Variants in COPS5 observed in about 807,000 individuals in gnomAD.
The protein encoded by COPS5 is COP9 signalosome subunit 5, also known as COP9 signalosome complex subunit 5.
In COPS5, 8 loss-of-function variants were observed where a neutral mutation model predicts 44.4. The observed-to-expected ratio is 0.18, with a 90% CI of 0.11 to 0.32. The LOEUF is 0.32. Ranked by LOEUF, COPS5 falls within the 10% of genes least tolerant of loss-of-function variation. COPS5 has a pLI of 1.00. For missense variants in COPS5, 159 were observed against 406.4 expected (o/e 0.39, Z 5.23); for synonymous variants, 122 against 142.8 (o/e 0.85, Z 1.04).
chr8:67,054,730 G>C (rs1804478168), intron 5 of COPS5, among the ~76,000 whole-genome samples: 1 of 152,210 alleles, frequency 6.6e-6, no homozygotes. Context: ...AGTATTCTTT[G>C]AAGTTGGCAT....
Position 67,056,686 on chromosome 8 carries a change from TATATATATATATATATATATATATAA to T in COPS5, c.574-108_574-83del, listed in dbSNP as rs1804517066. The T allele has an allele frequency of 8.4e-5, 8 of 95,552 alleles. 2 individuals are homozygous for T. Among genetic ancestry groups the T allele is most frequent in the African/African-American group, 5.2e-4 (8 of 15,418 alleles). 5.9% of individuals were successfully genotyped at this position (95,552 alleles called of 1,614,324 possible). ...ATATATATATATATATATATATATATATATATATATATATATATATATATAAAAATGAGAAAAACATGTTTTCTATG... is the reference window on the plus strand; with the variant it reads ...ATATATATATATATATATATATATATAAATGAGAAAAACATGTTTTCTATG... On this transcript the variant is annotated intron_variant, in intron 4 of 7. Coordinates refer to ENST00000357849, the MANE Select transcript of COPS5 (RefSeq NM_006837.3).
chr8:67,052,344 A>G (rs1804428993), intron 5 of COPS5, among the ~76,000 whole-genome samples: 1 of 151,870 alleles, frequency 6.6e-6, no homozygotes, highest in African/African-American at 2.4e-5. Context: ...TTAGCAAGAG[A>G]AGAATTATGT....
chr8:67,058,267 T>C, intron 2 of COPS5, 56 bp from the exon 3 acceptor site: 1 of 1,566,826 alleles, frequency 6.4e-7, no homozygotes, highest in South Asian at 1.1e-5. Flanking sequence ...ATTTACAAGG[T>C]ACCAGTACAA....
At chr8:67,061,433 A>G (rs1401358156) in intron 1 of COPS5, 1 of 447,288 alleles carries the variant, frequency 2.2e-6, no homozygotes, top group Admixed American at 2.5e-5. Flanking sequence ...CTATTAAAAA[A>G]AAAAGAAAAG....
chr8:67,059,484 T>C (rs1379043563), intron 1 of COPS5, 39 bp from the exon 2 acceptor site: 1 of 1,477,968 alleles, frequency 6.8e-7, no homozygotes, highest in African/African-American at 1.4e-5. Context: ...ATTCCTTATA[T>C]AAAGTAAAAT....
chr8:67,062,016 T>G lies in COPS5; in HGVS notation c.-20A>C, dbSNP rs115246389. On this transcript the variant is annotated 5_prime_UTR_variant, in exon 1 of 8. Coordinates refer to ENST00000357849, the MANE Select transcript of COPS5 (RefSeq NM_006837.3). ...CGCCATCGCCGAGGAAGCGGAGAAG[T>G]TGTCGTCTCTACAACCAAGACGCAA... The G allele has an allele frequency of 1.9e-6, 3 of 1,614,038 alleles. No homozygotes were observed. The highest frequency in any genetic ancestry group is 2.7e-5 in the African/African-American group (2 of 74,928).
chr8:67,053,826 GA>G (rs572635707), intron 5 of COPS5, among the ~76,000 whole-genome samples: 1 of 151,696 alleles, frequency 6.6e-6, no homozygotes, highest in Non-Finnish European at 1.5e-5. Flanking sequence ...CTAAGACGGT[GA>G]AACCCCATCT....
chr8:67,045,610 A>T, intron 7 of COPS5: 1 of 575,688 alleles, frequency 1.7e-6, no homozygotes, highest in Non-Finnish European at 3.1e-6. Context: ...AAGCCTTTTC[A>T]TGTTCTTACC....
At chr8:67,046,824 CAAAAAA>C (rs771868140) in intron 6 of COPS5, among the ~76,000 whole-genome samples, 1 of 43,726 alleles carries the variant, frequency 2.3e-5, no homozygotes, top group East Asian at 6.9e-4. Context: ...ACTCTGTCTC[CAAAAAA>C]AAAAAAAAAA....
At chr8:67,055,986 C>A (rs1323362547) in intron 5 of COPS5, among the ~76,000 whole-genome samples, 1 of 151,958 alleles carries the variant, frequency 6.6e-6, no homozygotes, top group Non-Finnish European at 1.5e-5. Context: ...TAGAAAGAAT[C>A]TTTGTTCAGT....
chr8:67,061,847 T>G lies in COPS5; in HGVS notation c.143+7A>C. On this transcript the variant is annotated splice_region_variant and intron_variant, in intron 1 of 7. Transcript: ENST00000357849. The stretch of plus-strand genomic sequence containing the variant: ...CCTCCCCTGCGTCTCGCCAGGGACC[T>G]CCTCACTCCTTAGTCCAGGGCTTCG... 6.2e-7 allele frequency: 1 copy of G among 1,614,088 alleles called. No individual in the cohort carries two copies. Among genetic ancestry groups the G allele is most frequent in the East Asian group, 2.2e-5 (1 of 44,878 alleles).
At chr8:67,047,967 C>T (rs1016742700) in intron 6 of COPS5, 9 of 696,776 alleles carry the variant, frequency 1.3e-5, no homozygotes, top group Non-Finnish European at 2.4e-5. Context: ...CTACTTCTGA[C>T]TACTAAGGAT....
At chr8:67,050,684 G>A (rs1804395800) in intron 6 of COPS5, among the ~76,000 whole-genome samples, 2 of 150,830 alleles carry the variant, frequency 1.3e-5, no homozygotes, top group Non-Finnish European at 2.9e-5. Context: ...GAGACTTGGA[G>A]GTCTAAAGCT....
At chr8:67,047,660 C>T (rs889564733) in intron 6 of COPS5, 1 of 599,176 alleles carries the variant, frequency 1.7e-6, no homozygotes, top group Non-Finnish European at 3.0e-6. Context: ...ATACATAAAA[C>T]AACAAGGGAG....
intron 5 of COPS5, among the ~76,000 whole-genome samples, chr8:67,052,371 G>T (rs538925148): frequency 6.6e-6 from 1 of 151,666 alleles, no homozygotes; most frequent in African/African-American, 2.4e-5. Flanking sequence ...AAGCTAGAAA[G>T]CTATGCTGGG....
At chr8:67,045,318 A>T (rs1378303872) in intron 7 of COPS5, 3 of 152,964 alleles carry the variant, frequency 2.0e-5, no homozygotes, top group Non-Finnish European at 2.9e-5. Flanking sequence ...GTCAGGCATG[A>T]TGGCAGGTGC....
chr8:67,057,280 T>TG, intron 4 of COPS5, 100 bp downstream of exon 4: 1 of 605,184 alleles, frequency 1.7e-6, no homozygotes, highest in Admixed American at 3.2e-5. Flanking sequence ...GCCTAGGCGA[T>TG]GAAGGCTGTA....
chr8:67,060,589 A>G (rs1463714254), intron 1 of COPS5: 3 of 936,644 alleles, frequency 3.2e-6, no homozygotes, highest in African/African-American at 3.4e-5. Context: ...CCTATTACAT[A>G]CATTCTAGAC....
chr8:67,049,939 T>C (rs971040333), intron 6 of COPS5, among the ~76,000 whole-genome samples: 2 of 151,974 alleles, frequency 1.3e-5, no homozygotes, highest in Non-Finnish European at 2.9e-5. Context: ...GTTTGTTAAA[T>C]AATATCCTAC....
Sources: gnomAD v4.1 joint callset for allele counts (sites outside exome capture counted in the v4.1 genomes callset) on GRCh38, gnomAD v4.1.1 for gene constraint, MANE v1.5 for transcripts, NCBI Gene and HGNC (gene_info 2026-07-23, HGNC 2026-07-21) for gene names.